BMAL1: variants seen among roughly 807,000 people sequenced by gnomAD.
The protein encoded by BMAL1 is basic helix-loop-helix ARNT like 1.
chr11:13,336,845 C>A, the BMAL1 span, among the ~76,000 whole-genome samples: 1 of 152,262 alleles, frequency 6.6e-6, no homozygotes, highest in South Asian at 2.1e-4. Context: ...CCTTAACACT[C>A]GCTGTTGGAA....
chr11:13,362,458 G>GT, the BMAL1 span, among the ~76,000 whole-genome samples: 1 of 152,164 alleles, frequency 6.6e-6, no homozygotes, highest in East Asian at 1.9e-4. Flanking sequence ...TGTGTGACTT[G>GT]TAGATCCAAT....
chr11:13,310,596 A>G, the BMAL1 span, among the ~76,000 whole-genome samples: 2 of 152,182 alleles, frequency 1.3e-5, no homozygotes, highest in Non-Finnish European at 2.9e-5. Context: ...GGTCTCTGTC[A>G]CAGCTACTCC....
the BMAL1 span, chr11:13,358,691 C>G: frequency 2.4e-6 from 3 of 1,256,180 alleles, no homozygotes; most frequent in Non-Finnish European, 3.1e-6. Flanking sequence ...TTATTACTTG[C>G]AATTATGTAG....
chr11:13,298,368 T>G, the BMAL1 span, among the ~76,000 whole-genome samples: 1 of 152,184 alleles, frequency 6.6e-6, no homozygotes, highest in African/African-American at 2.4e-5. Flanking sequence ...GCTCACCTTC[T>G]TCAGGTCTTT....
At chr11:13,380,068 G>A in the BMAL1 span, 11 of 152,336 alleles carry the variant, frequency 7.2e-5, no homozygotes, top group Admixed American at 1.3e-4. Flanking sequence ...AAGGTCTAGC[G>A]TTTGAAGATG....
the BMAL1 span, among the ~76,000 whole-genome samples, chr11:13,297,896 G>A: frequency 1.1e-3 from 169 of 152,294 alleles, no homozygotes; most frequent in Admixed American, 3.9e-3. Context: ...CTCCAAAGCT[G>A]TCTCCTGCTT....
At chr11:13,284,080 GTGTGT>G in the BMAL1 span, among the ~76,000 whole-genome samples, 2 of 17,276 alleles carry the variant, frequency 1.2e-4, no homozygotes, top group African/African-American at 2.2e-4. Flanking sequence ...GTGTTGGGGT[GTGTGT>G]GTGTGTGTGT....
chr11:13,373,785 AG>A, the BMAL1 span, among the ~76,000 whole-genome samples: 3 of 152,342 alleles, frequency 2.0e-5, no homozygotes, highest in African/African-American at 7.2e-5. Flanking sequence ...CTGGGATGAC[AG>A]GCATGAACCA....
chr11:13,281,245 A>G, the BMAL1 span, among the ~76,000 whole-genome samples: 40 of 152,238 alleles, frequency 2.6e-4, no homozygotes, highest in Middle Eastern at 0.01. Flanking sequence ...TGGAAGAGGC[A>G]GAGTCAGACT....
At chr11:13,332,973 T>TTTTTC in the BMAL1 span, among the ~76,000 whole-genome samples, 2 of 151,800 alleles carry the variant, frequency 1.3e-5, no homozygotes, top group African/African-American at 4.8e-5. Flanking sequence ...TTTTTTTTTT[T>TTTTTC]TTTTTCTTTG....
chr11:13,304,545 A>G, the BMAL1 span, among the ~76,000 whole-genome samples: 2 of 152,178 alleles, frequency 1.3e-5, no homozygotes, highest in Non-Finnish European at 2.9e-5. Context: ...TTCAGCACAG[A>G]TGGGCAATTC....
At chr11:13,377,295 A>G in the BMAL1 span, among the ~76,000 whole-genome samples, 1 of 152,244 alleles carries the variant, frequency 6.6e-6, no homozygotes, top group African/African-American at 2.4e-5. Context: ...TGCCTCATAG[A>G]CAGAACCACC....
the BMAL1 span, among the ~76,000 whole-genome samples, chr11:13,301,832 A>G: frequency 1.3e-5 from 2 of 152,374 alleles, no homozygotes; most frequent in South Asian, 4.1e-4. Flanking sequence ...AGGTACTGTT[A>G]TTATCCCCAT....
the BMAL1 span, among the ~76,000 whole-genome samples, chr11:13,290,559 A>ATGTTAT: frequency 0.097 from 14,517 of 148,976 alleles, 998 homozygotes; most frequent in African/African-American, 0.19. Flanking sequence ...ACAAGTGTAT[A>ATGTTAT]TATTATTATT....
At chr11:13,339,970 TGA>T in the BMAL1 span, among the ~76,000 whole-genome samples, 1 of 152,154 alleles carries the variant, frequency 6.6e-6, no homozygotes, top group Non-Finnish European at 1.5e-5. Context: ...AAATATTTGT[TGA>T]GAGACTAATA....
chr11:13,379,328 AAC>A, the BMAL1 span: 30 of 152,320 alleles, frequency 2.0e-4, 1 homozygote, highest in African/African-American at 7.0e-4. Context: ...AAAGGAAGAA[AAC>A]ACTGCTGCCG....
chr11:13,316,239 C>T, the BMAL1 span, among the ~76,000 whole-genome samples: 1 of 152,290 alleles, frequency 6.6e-6, no homozygotes, highest in East Asian at 1.9e-4. Context: ...ACAGTCAGGG[C>T]CCATGGCCCT....
At chr11:13,330,620 G>C in the BMAL1 span, among the ~76,000 whole-genome samples, 4 of 152,258 alleles carry the variant, frequency 2.6e-5, no homozygotes, top group Admixed American at 2.0e-4. Context: ...TTATTGGCAA[G>C]TGGGTGCTGA....
the BMAL1 span, among the ~76,000 whole-genome samples, chr11:13,290,559 A>ATGTTGTTAT: frequency 1.3e-5 from 2 of 149,056 alleles, no homozygotes; most frequent in African/African-American, 2.5e-5. Context: ...ACAAGTGTAT[A>ATGTTGTTAT]TATTATTATT....
Sources: allele counts gnomAD v4.1 joint callset (sites outside exome capture counted in the v4.1 genomes callset), GRCh38; gene constraint gnomAD v4.1.1; transcripts MANE v1.5; gene names NCBI Gene and HGNC (gene_info 2026-07-23, HGNC 2026-07-21).